Variants in TMEM63C observed in about 807,000 individuals in gnomAD.
The protein encoded by TMEM63C is transmembrane protein 63C, also known as osmosensitive cation channel TMEM63C.
TMEM63C carries 32 observed loss-of-function variants against 99.2 expected under a neutral mutation model. The observed-to-expected ratio is 0.32, with a 90% CI of 0.24 to 0.43. The LOEUF is 0.43. Ranked by LOEUF, TMEM63C falls within the 20% of genes least tolerant of loss-of-function variation. The pLI is 1.00. For missense variants in TMEM63C, 826 were observed against 1,053.0 expected, an observed-to-expected ratio of 0.78 and a Z score of 2.98; for synonymous variants, 376 against 397.9, an observed-to-expected ratio of 0.94 and a Z score of 0.66.
intron 13 of TMEM63C, among the ~76,000 whole-genome samples, chr14:77,241,111 C>T (rs1005623984): frequency 1.2e-4 from 18 of 151,952 alleles, no homozygotes; most frequent in Admixed American, 2.0e-4. Flanking sequence ...CCACCATGCC[C>T]GGCTAATGTT....
At chr14:77,243,166 A>G (rs1452757405) in intron 15 of TMEM63C, 110 bp downstream of exon 15, 15 of 1,305,438 alleles carry the variant, frequency 1.1e-5, no homozygotes, top group Non-Finnish European at 1.5e-5. Flanking sequence ...GAGCCCATAC[A>G]GTGCGAACAT....
chr14:77,200,484 G>A (rs1398657508), intron 1 of TMEM63C, among the ~76,000 whole-genome samples: 1 of 152,194 alleles, frequency 6.6e-6, no homozygotes, highest in African/African-American at 2.4e-5. Context: ...GAGGCCCTGT[G>A]AGCCAGACCC....
intron 6 of TMEM63C, 110 bp from the exon 7 acceptor site, chr14:77,231,478 A>C: frequency 4.7e-6 from 6 of 1,284,998 alleles, no homozygotes; most frequent in Non-Finnish European, 6.3e-6. Flanking sequence ...AAAAAAAAAA[A>C]AAAACTTGGG....
At chr14:77,225,510 G>C (rs751875438) in intron 6 of TMEM63C, 49 bp downstream of exon 6, 2 of 1,604,090 alleles carry the variant, frequency 1.2e-6, no homozygotes, top group Non-Finnish European at 1.7e-6. Flanking sequence ...CTTGGGGGTG[G>C]GGGGTGGAGG....
At chr14:77,239,786 C>A (rs1232772514) in intron 12 of TMEM63C, 60 bp downstream of exon 12, 2 of 1,587,494 alleles carry the variant, frequency 1.3e-6, no homozygotes, top group Non-Finnish European at 8.6e-7. Context: ...GGGCTCTAGG[C>A]TCTGTGCCTT....
intron 8 of TMEM63C, among the ~76,000 whole-genome samples, chr14:77,234,077 C>A (rs567218325): frequency 4.5e-4 from 69 of 152,348 alleles, no homozygotes; most frequent in African/African-American, 1.6e-3. Context: ...TGGGTTTCAA[C>A]TTCAGCCAAC....
chr14:77,236,816 G>A lies in TMEM63C; in HGVS notation c.651+84G>A, dbSNP rs557226622. 1.6e-5 allele frequency: 15 copies of A among 930,088 alleles called. No homozygotes were observed. The African/African-American group carries it at 2.0e-4, about 12-fold the overall frequency. The allele number at this position is 930,088 out of a possible 1,614,324, so 57.6% of individuals were successfully genotyped here. On this transcript the variant is annotated intron_variant, in intron 9 of 23. Transcript: ENST00000298351. ...CTGACCACTTCCAACCCTCAGAGAA[G>A]CCCTCAGAGGGTCCAGGGAGACTGT...
At chr14:77,207,297 G>A (rs10143567) in intron 1 of TMEM63C, among the ~76,000 whole-genome samples, 16,575 of 152,274 alleles carry the variant, frequency 0.11, 2,299 homozygotes, top group African/African-American at 0.33. Context: ...CCCTGATGGC[G>A]TCCCAACTCC....
intron 6 of TMEM63C, among the ~76,000 whole-genome samples, chr14:77,227,438 A>G (rs1888847911): frequency 1.3e-5 from 2 of 152,224 alleles, no homozygotes; most frequent in South Asian, 4.1e-4. Context: ...GGAAACACAA[A>G]ATGATGAGAT....
At chr14:77,219,379 G>T in intron 3 of TMEM63C, 119 bp from the exon 4 acceptor site, 1 of 985,408 alleles carries the variant, frequency 1.0e-6, no homozygotes, top group South Asian at 1.4e-5. Flanking sequence ...TCACCTTCTA[G>T]TGGAGGAGCT....
chr14:77,230,085 C>G (rs1284121125), intron 6 of TMEM63C, among the ~76,000 whole-genome samples: 1 of 151,940 alleles, frequency 6.6e-6, no homozygotes, highest in African/African-American at 2.4e-5. Flanking sequence ...ACCTATAGTC[C>G]CAGCTGCTCG....
At chr14:77,208,428 C>A (rs1312832002) in intron 1 of TMEM63C, among the ~76,000 whole-genome samples, 5 of 152,186 alleles carry the variant, frequency 3.3e-5, no homozygotes, top group Non-Finnish European at 7.3e-5. Context: ...GAACTTCCTG[C>A]AGAGAATCCC....
chr14:77,237,488 C>A (rs1334760463), intron 9 of TMEM63C, among the ~76,000 whole-genome samples: 2 of 152,200 alleles, frequency 1.3e-5, no homozygotes, highest in East Asian at 1.9e-4. Flanking sequence ...CATGGAGGGG[C>A]AACTTACCCC....
chr14:77,182,480 G>T (rs1286748656), intron 1 of TMEM63C, among the ~76,000 whole-genome samples: 3 of 152,208 alleles, frequency 2.0e-5, no homozygotes, highest in Non-Finnish European at 4.4e-5. Flanking sequence ...GAGGAACGTT[G>T]TGTTTGGATG....
Position 77,236,614 on chromosome 14 carries a change from C to T in TMEM63C, c.543-10C>T, listed in dbSNP as rs1267535259. The T allele has an allele frequency of 6.2e-7, 1 of 1,602,400 alleles. No individual in the cohort carries two copies. Among genetic ancestry groups the T allele is most frequent in the South Asian group, 1.1e-5 (1 of 90,874 alleles). Reference sequence around the variant, plus strand: ...GGCTGACCTCACTGCTGCTGCCTCCCTCCCTGCAGGAGCAAGCTCCTGTGG... The same window carrying T: ...GGCTGACCTCACTGCTGCTGCCTCCTTCCCTGCAGGAGCAAGCTCCTGTGG... On this transcript the variant is annotated splice_polypyrimidine_tract_variant and intron_variant, in intron 8 of 23. Coordinates refer to ENST00000298351, the MANE Select transcript of TMEM63C (RefSeq NM_020431.4).
chr14:77,246,063 G>C, intron 17 of TMEM63C, 37 bp downstream of exon 17: 1 of 1,521,566 alleles, frequency 6.6e-7, no homozygotes, highest in Non-Finnish European at 9.1e-7. Flanking sequence ...TTCTTAGCCA[G>C]GCTCTCTTAG....
rs369368014 is a variant in TMEM63C at position 77,249,226 on chromosome 14, C to CA, written c.1871-64dup. 55 of 1,539,040 alleles carry CA rather than the reference C, an allele frequency of 3.6e-5. 1 individual carries two copies. In the South Asian group the frequency reaches 5.9e-4, roughly 16 times the overall value. ...ATCTGGCTTCTCAGGCCTGTGGAGA[C>CA]ACTGGAGCCACAAAGGTCCAGACTT... On this transcript the variant is annotated intron_variant, in intron 20 of 23. Coordinates refer to ENST00000298351, the MANE Select transcript of TMEM63C (RefSeq NM_020431.4).
intron 1 of TMEM63C, among the ~76,000 whole-genome samples, chr14:77,200,324 G>A (rs936782280): frequency 1.3e-5 from 2 of 152,202 alleles, no homozygotes; most frequent in South Asian, 2.1e-4. Flanking sequence ...GATCCACCAC[G>A]AGTCATGGAG....
chr14:77,244,558 G>A, intron 16 of TMEM63C, 103 bp downstream of exon 16: 1 of 856,376 alleles, frequency 1.2e-6, no homozygotes, highest in South Asian at 1.5e-5. Context: ...TCTAGCCTAA[G>A]AAGGAGAATT....
Sources: allele counts gnomAD v4.1 joint callset (sites outside exome capture counted in the v4.1 genomes callset), GRCh38; gene constraint gnomAD v4.1.1; transcripts MANE v1.5; gene names NCBI Gene and HGNC (gene_info 2026-07-23, HGNC 2026-07-21).